Variants in SLC24A3 observed in about 807,000 individuals in gnomAD.
The protein encoded by SLC24A3 is sodium/potassium/calcium exchanger 3.
Under a neutral mutation model 75.8 loss-of-function variants are expected in SLC24A3, and 28 were observed. The ratio of observed to expected loss-of-function variants is 0.37; its 90% confidence interval spans 0.27 to 0.51. The LOEUF (loss-of-function observed/expected upper bound fraction) is 0.51, where lower values mean the gene tolerates loss of function less well. Ranked by LOEUF, SLC24A3 falls within the 20% of genes least tolerant of loss-of-function variation. SLC24A3 has a pLI of 0.94. For missense variants in SLC24A3, 663 were observed against 847.8 expected (o/e 0.78, Z 2.71); for synonymous variants, 372 against 334.1 (o/e 1.11, Z -1.24).
chr20:19,698,222 A>G (rs912188566), intron 14 of SLC24A3, among the ~76,000 whole-genome samples: 26 of 152,346 alleles, frequency 1.7e-4, no homozygotes, highest in Middle Eastern at 3.4e-3. Context: ...CCACCCCCAT[A>G]ATCCAATCAC....
intron 2 of SLC24A3, among the ~76,000 whole-genome samples, chr20:19,330,990 AGG>A (rs1269061704): frequency 6.6e-6 from 1 of 152,188 alleles, no homozygotes; most frequent in Non-Finnish European, 1.5e-5. Flanking sequence ...TATTGAAGCA[AGG>A]GACTGTGTTC....
At chr20:19,461,344 G>C (rs1987667082) in intron 2 of SLC24A3, among the ~76,000 whole-genome samples, 1 of 151,686 alleles carries the variant, frequency 6.6e-6, no homozygotes, top group Non-Finnish European at 1.5e-5. Flanking sequence ...AAAAGAAAAA[G>C]AAAAATATAT....
chr20:19,216,067 G>A (rs1163098655), intron 1 of SLC24A3, among the ~76,000 whole-genome samples: 3 of 152,140 alleles, frequency 2.0e-5, no homozygotes, highest in African/African-American at 7.2e-5. Context: ...CACTCTTTTC[G>A]GAGGCATGAG....
intron 6 of SLC24A3, among the ~76,000 whole-genome samples, chr20:19,633,795 T>C (rs867373569): frequency 1.8e-4 from 27 of 152,194 alleles, no homozygotes; most frequent in Admixed American, 8.5e-4. Flanking sequence ...CCACAACTTA[T>C]GAATTGGGCT....
chr20:19,678,991 C>G (rs1390486211), intron 9 of SLC24A3, among the ~76,000 whole-genome samples: 3 of 151,284 alleles, frequency 2.0e-5, no homozygotes, highest in African/African-American at 7.3e-5. Flanking sequence ...GGATGGCGGC[C>G]GGGCAGAGAC....
intron 2 of SLC24A3, among the ~76,000 whole-genome samples, chr20:19,327,535 G>A (rs1414675537): frequency 6.6e-6 from 1 of 152,188 alleles, no homozygotes; most frequent in East Asian, 1.9e-4. Context: ...TCTGACAAGG[G>A]TTGTACAAGG....
At chr20:19,448,795 G>A (rs1987432134) in intron 2 of SLC24A3, among the ~76,000 whole-genome samples, 1 of 152,172 alleles carries the variant, frequency 6.6e-6, no homozygotes, top group Non-Finnish European at 1.5e-5. Context: ...GAGTCAATGA[G>A]ACAAACCATG....
chr20:19,516,135 A>G (rs2029982547), intron 3 of SLC24A3, among the ~76,000 whole-genome samples: 1 of 152,184 alleles, frequency 6.6e-6, no homozygotes, highest in Non-Finnish European at 1.5e-5. Flanking sequence ...TGACACATAG[A>G]AGATGAACAA....
Position 19,437,926 on chromosome 20 carries a change from G to T in SLC24A3, c.272-77562G>T, listed in dbSNP as rs545062281. Among the ~76,000 whole-genome samples, 104 of 152,138 alleles carry T rather than the reference G, an allele frequency of 6.8e-4. 1 individual carries two copies. Among genetic ancestry groups the T allele is most frequent in the Non-Finnish European group, 1.8e-4 (12 of 68,024 alleles). ...CCATTTTGCCACAAGCTGGTGAAGG[G>T]ACATTAATGAGGTCGTTATAGGGCC... On this transcript the variant is annotated intron_variant, in intron 2 of 16. Coordinates refer to ENST00000328041, the MANE Select transcript of SLC24A3 (RefSeq NM_020689.4).
At chr20:19,467,870 G>C (rs1178931007) in intron 2 of SLC24A3, among the ~76,000 whole-genome samples, 2 of 145,228 alleles carry the variant, frequency 1.4e-5, no homozygotes, top group South Asian at 2.2e-4. Context: ...GACAGAGTGG[G>C]ACCCTGTCTC....
chr20:19,694,377 G>A (rs6046256), intron 13 of SLC24A3: 2 of 152,106 alleles, frequency 1.3e-5, no homozygotes, highest in Admixed American at 1.3e-4. Flanking sequence ...CTAAAAAGAA[G>A]GTTATGAAAA....
intron 2 of SLC24A3, among the ~76,000 whole-genome samples, chr20:19,485,087 G>A (rs907703967): frequency 3.3e-5 from 5 of 152,096 alleles, no homozygotes; most frequent in African/African-American, 1.2e-4. Context: ...GTGTGAAATT[G>A]GTATAAGCCC....
intron 1 of SLC24A3, among the ~76,000 whole-genome samples, chr20:19,236,763 A>G (rs1982181175): frequency 2.0e-5 from 3 of 152,142 alleles, no homozygotes; most frequent in African/African-American, 7.2e-5. Flanking sequence ...CTCAAAAACA[A>G]AACAAAACAA....
intron 1 of SLC24A3, among the ~76,000 whole-genome samples, chr20:19,219,164 A>C (rs149337215): frequency 0.02 from 2,992 of 152,168 alleles, 36 homozygotes; most frequent in Middle Eastern, 0.031. Flanking sequence ...CAGGTTTCCT[A>C]GGATTCCCCC....
chr20:19,294,543 C>G (rs1038140940), intron 2 of SLC24A3, among the ~76,000 whole-genome samples: 1 of 152,058 alleles, frequency 6.6e-6, no homozygotes. Flanking sequence ...TTTGGTTTTC[C>G]GTGCTTGCAT....
chr20:19,562,101 G>C (rs753844706), intron 3 of SLC24A3, among the ~76,000 whole-genome samples: 4 of 152,090 alleles, frequency 2.6e-5, no homozygotes, highest in Non-Finnish European at 5.9e-5. Context: ...TGATCTCCTG[G>C]ATTCCCATTT....
intron 2 of SLC24A3, among the ~76,000 whole-genome samples, chr20:19,503,647 G>C (rs750569207): frequency 2.0e-5 from 3 of 152,202 alleles, no homozygotes; most frequent in African/African-American, 4.8e-5. Flanking sequence ...GCCAGAGGTG[G>C]CCAGGACCAA....
chr20:19,355,932 G>C (rs757365514), intron 2 of SLC24A3, among the ~76,000 whole-genome samples: 2 of 152,144 alleles, frequency 1.3e-5, no homozygotes, highest in African/African-American at 4.8e-5. Context: ...CTACATTTGG[G>C]TTAGAAGTTA....
chr20:19,658,148 T>C (rs752978044), intron 7 of SLC24A3, among the ~76,000 whole-genome samples: 3 of 151,770 alleles, frequency 2.0e-5, no homozygotes, highest in Non-Finnish European at 2.9e-5. Flanking sequence ...CACCAAGGGG[T>C]TCTTCAGACC....
Sources: gnomAD v4.1 joint callset for allele counts (sites outside exome capture counted in the v4.1 genomes callset) on GRCh38, gnomAD v4.1.1 for gene constraint, MANE v1.5 for transcripts, NCBI Gene and HGNC (gene_info 2026-07-23, HGNC 2026-07-21) for gene names.